The following DLC1 variants were observed in gnomAD, a reference collection of about 807,000 sequenced individuals.
DLC1 encodes rho GTPase-activating protein 7.
Under a neutral mutation model 140.3 loss-of-function variants are expected in DLC1, and 54 were observed. The observed-to-expected ratio is 0.38, with a 90% CI of 0.31 to 0.48. The LOEUF (loss-of-function observed/expected upper bound fraction) is 0.48. Among genes scored for constraint, DLC1 ranks in the 20% least tolerant of loss-of-function variants. The pLI, the probability that DLC1 is intolerant of heterozygous loss-of-function variation, is 0.96. For missense variants in DLC1, 2,536 were observed against 1,907.0 expected, an observed-to-expected ratio of 1.33 and a Z score of -6.14; for synonymous variants, 986 against 728.1, an observed-to-expected ratio of 1.35 and a Z score of -5.70.
At chr8:13,167,893 C>A (rs574341059) in intron 5 of DLC1, among the ~76,000 whole-genome samples, 39 of 152,208 alleles carry the variant, frequency 2.6e-4, no homozygotes, top group Non-Finnish European at 4.7e-4. Flanking sequence ...TATTTTTAGA[C>A]CACCCAATCA....
At chr8:13,128,801 C>G (rs1440553082) in intron 5 of DLC1, among the ~76,000 whole-genome samples, 4 of 150,088 alleles carry the variant, frequency 2.7e-5, no homozygotes, top group South Asian at 4.2e-4. Context: ...CGCCACTGCA[C>G]TCCAGCCTGG....
chr8:13,554,689 C>G (rs1463388017), intron 1 of DLC1, among the ~76,000 whole-genome samples: 2 of 152,264 alleles, frequency 1.3e-5, no homozygotes, highest in South Asian at 2.1e-4. Context: ...TTTCTTACCA[C>G]CTCTACTGCT....
intron 1 of DLC1, chr8:13,566,905 A>G: frequency 1.4e-6 from 2 of 1,439,082 alleles, no homozygotes; most frequent in Non-Finnish European, 9.2e-7. Context: ...ATTGAGATCC[A>G]TTCCCGGAGG....
chr8:13,350,562 A>G (rs1834604883), intron 4 of DLC1, among the ~76,000 whole-genome samples: 1 of 152,096 alleles, frequency 6.6e-6, no homozygotes, highest in Non-Finnish European at 1.5e-5. Flanking sequence ...CTAAAAATAC[A>G]AAAATTAGCC....
intron 5 of DLC1, among the ~76,000 whole-genome samples, chr8:13,220,500 C>T (rs557593220): frequency 9.9e-5 from 15 of 152,134 alleles, no homozygotes; most frequent in African/African-American, 3.6e-4. Flanking sequence ...CCAAATGTTC[C>T]CCAACTATTA....
At chr8:13,412,826 G>T (rs1174230409) in intron 2 of DLC1, among the ~76,000 whole-genome samples, 1 of 151,592 alleles carries the variant, frequency 6.6e-6, no homozygotes, top group Non-Finnish European at 1.5e-5. Flanking sequence ...CAGCTACTAG[G>T]GAGGCTGAGG....
At chr8:13,376,897 G>A (rs1259739451) in intron 4 of DLC1, among the ~76,000 whole-genome samples, 1 of 152,152 alleles carries the variant, frequency 6.6e-6, no homozygotes, top group Non-Finnish European at 1.5e-5. Context: ...TACTGTGGCT[G>A]ATTTCATGGC....
chr8:13,278,151 G>T (rs1000032940), intron 5 of DLC1, among the ~76,000 whole-genome samples: 1 of 152,204 alleles, frequency 6.6e-6, no homozygotes, highest in Non-Finnish European at 1.5e-5. Flanking sequence ...CTTATCATTG[G>T]ACTGGACACA....
At chr8:13,506,448 G>T (rs1396213324) in intron 1 of DLC1, among the ~76,000 whole-genome samples, 1 of 150,826 alleles carries the variant, frequency 6.6e-6, no homozygotes, top group East Asian at 2.0e-4. Flanking sequence ...AATTACTTCT[G>T]GTTTCCCTTA....
At chr8:13,543,885 T>C (rs986893135) in intron 1 of DLC1, among the ~76,000 whole-genome samples, 1 of 152,014 alleles carries the variant, frequency 6.6e-6, no homozygotes, top group African/African-American at 2.4e-5. Context: ...CACTGCATAT[T>C]GGGTACAATG....
At chr8:13,323,180 G>A (rs1358706325) in intron 4 of DLC1, among the ~76,000 whole-genome samples, 3 of 152,198 alleles carry the variant, frequency 2.0e-5, no homozygotes, top group Non-Finnish European at 4.4e-5. Flanking sequence ...ATACGTTCAT[G>A]ATGGTTTCAA....
At chr8:13,228,042 T>G (rs1232112167) in intron 5 of DLC1, among the ~76,000 whole-genome samples, 4 of 152,140 alleles carry the variant, frequency 2.6e-5, no homozygotes. Context: ...CATAGAAATA[T>G]TAGGAAGCTT....
rs765861510 is a variant in DLC1, at chr8:13,100,319, C to G, written c.2018G>C (p.Ser673Thr). The G allele has an allele frequency of 2.5e-6, 4 of 1,614,184 alleles. No individual in the cohort carries two copies. In the African/African-American group the frequency reaches 5.3e-5, roughly 22 times the overall value. ...GTGATGGGAGCTCTTGAGCTTCAGG[C>G]TCTCCATCCGTTTCAGCAGACTGCG... ...KTRSLLKRME[S>T]LKLKSSHHSK... The change falls in exon 9 of 18, where the codon AGC becomes ACC. Residue 673 changes from serine to threonine, a missense_variant. Transcript: ENST00000276297.
intron 4 of DLC1, among the ~76,000 whole-genome samples, chr8:13,332,746 C>G (rs1422687129): frequency 6.6e-6 from 1 of 152,034 alleles, no homozygotes; most frequent in East Asian, 1.9e-4. Flanking sequence ...CTTGAGTTTG[C>G]TTTTTCTTTA....
At chr8:13,351,954 G>A (rs1834691267) in intron 4 of DLC1, among the ~76,000 whole-genome samples, 1 of 152,080 alleles carries the variant, frequency 6.6e-6, no homozygotes. Flanking sequence ...GGCTGGTCTC[G>A]AACTGCTGAC....
At chr8:13,222,336 C>T (rs1221011572) in intron 5 of DLC1, among the ~76,000 whole-genome samples, 3 of 152,022 alleles carry the variant, frequency 2.0e-5, no homozygotes, top group Non-Finnish European at 4.4e-5. Context: ...ATAGATTATT[C>T]TGTATTGGAT....
chr8:13,475,500 G>T (rs772038944), intron 2 of DLC1, among the ~76,000 whole-genome samples: 1 of 152,040 alleles, frequency 6.6e-6, no homozygotes, highest in South Asian at 2.1e-4. Flanking sequence ...GAGATTTTTG[G>T]ACTTACTTAG....
chr8:13,499,591 A>G lies in DLC1; in HGVS notation c.481T>C (p.Ser161Pro), dbSNP rs904080940. 6.2e-7 allele frequency: 1 copy of G among 1,614,050 alleles called. No individual in the cohort carries two copies. Among genetic ancestry groups the G allele is most frequent in the African/African-American group, 1.3e-5 (1 of 74,934 alleles). ...LPIIQSNQVS[S>P]NSWGIAGETE... ...TCACCAGCTATTCCCCAGGAGTTAG[A>G]AGAAACTTGGTTACTTTGTATGATG... The change falls in exon 2 of 18, where the codon TCT (serine) becomes CCT (proline). Residue 161 changes from serine (S) to proline (P), a missense_variant. Coordinates refer to ENST00000276297, the MANE Select transcript of DLC1 (RefSeq NM_182643.3).
At chr8:13,520,833 C>G (rs1178338673) in intron 1 of DLC1, among the ~76,000 whole-genome samples, 2 of 152,040 alleles carry the variant, frequency 1.3e-5, no homozygotes, top group Admixed American at 1.3e-4. Flanking sequence ...TCTGTCAAAG[C>G]TTCCTTTTTA....
Sources: gnomAD v4.1 joint callset for allele counts (sites outside exome capture counted in the v4.1 genomes callset) on GRCh38, gnomAD v4.1.1 for gene constraint, MANE v1.5 for transcripts, NCBI Gene and HGNC (gene_info 2026-07-23, HGNC 2026-07-21) for gene names.